The following MRTFA variants were observed in gnomAD, a reference collection of about 807,000 sequenced individuals.
The protein encoded by MRTFA is myocardin-related transcription factor A.
In MRTFA, 20 loss-of-function variants were observed where a neutral mutation model predicts 83.5. That is an observed-to-expected ratio of 0.24 (90% CI 0.17 to 0.35). The LOEUF is 0.35. Ranked by LOEUF, MRTFA falls within the 10% of genes least tolerant of loss-of-function variation. MRTFA has a pLI of 1.00. For missense variants in MRTFA, 1,200 were observed against 1,224.7 expected (o/e 0.98, Z 0.30); for synonymous variants, 659 against 541.2 (o/e 1.22, Z -3.02).
chr22:40,469,961 C>T (rs1179881350), intron 3 of MRTFA, among the ~76,000 whole-genome samples: 3 of 151,724 alleles, frequency 2.0e-5, no homozygotes, highest in Admixed American at 6.6e-5. Flanking sequence ...CAGTGGCTCA[C>T]GCCTGTAATC....
At chr22:40,488,949 G>A (rs148729804) in intron 3 of MRTFA, among the ~76,000 whole-genome samples, 3 of 152,166 alleles carry the variant, frequency 2.0e-5, no homozygotes, top group African/African-American at 7.2e-5. Flanking sequence ...ACTGATTGAT[G>A]TTAGATCTTT....
chr22:40,483,251 G>T (rs2054120204), intron 3 of MRTFA, among the ~76,000 whole-genome samples: 1 of 151,836 alleles, frequency 6.6e-6, no homozygotes, highest in African/African-American at 2.4e-5. Context: ...TTTTTGTAGA[G>T]ATGGGGTCTC....
Position 40,413,137 on chromosome 22 carries a change from C to CAAAAAA in MRTFA, c.2579-1236_2579-1231dup, listed in dbSNP as rs35119560. 2.6e-3 allele frequency among the ~76,000 whole-genome samples: 72 copies of CAAAAAA among 28,144 alleles called. 2 individuals carry two copies. Among genetic ancestry groups the CAAAAAA allele is most frequent in the African/African-American group, 4.0e-3 (22 of 5,434 alleles). 18.5% of individuals were successfully genotyped at this position (28,144 alleles called of 152,430 possible). A position where few individuals can be genotyped will look rare whatever the true frequency, so the allele number is the denominator to read the frequency against. ...TGGGAAACAGAGTGACACCCTGTCT[C>CAAAAAA]AAAAAAAAAAAAAAAAAAAAAAAAA... On this transcript the variant is annotated intron_variant, in intron 14 of 14. Coordinates refer to ENST00000355630, the MANE Select transcript of MRTFA (RefSeq NM_020831.6).
chr22:40,617,174 G>T (rs2056460139), intron 1 of MRTFA, among the ~76,000 whole-genome samples: 1 of 109,252 alleles, frequency 9.2e-6, no homozygotes, highest in Admixed American at 9.7e-5. Flanking sequence ...GGGAAGGAGG[G>T]AAGGAGGGAA....
chr22:40,593,636 C>T (rs964117824), intron 2 of MRTFA, among the ~76,000 whole-genome samples: 8 of 152,160 alleles, frequency 5.3e-5, no homozygotes, highest in Admixed American at 2.6e-4. Context: ...TAGACAGCAG[C>T]GTCAATTCCA....
intron 7 of MRTFA, among the ~76,000 whole-genome samples, chr22:40,429,180 G>A (rs527555246): frequency 4.6e-5 from 7 of 152,312 alleles, no homozygotes; most frequent in Admixed American, 1.3e-4. Context: ...GGGTCCATCA[G>A]TATTTGTTAA....
At chr22:40,600,490 C>CT (rs2056246225) in intron 1 of MRTFA, among the ~76,000 whole-genome samples, 3 of 152,188 alleles carry the variant, frequency 2.0e-5, no homozygotes, top group African/African-American at 7.2e-5. Flanking sequence ...AATCTCAGCA[C>CT]TTTGAGAGGC....
intron 2 of MRTFA, among the ~76,000 whole-genome samples, chr22:40,570,304 G>A (rs565221630): frequency 3.9e-5 from 6 of 152,086 alleles, no homozygotes; most frequent in East Asian, 3.9e-4. Context: ...GGCCAGGCAC[G>A]GTGGCTCATG....
At chr22:40,550,626 C>T (rs1444426354) in intron 3 of MRTFA, among the ~76,000 whole-genome samples, 2 of 152,084 alleles carry the variant, frequency 1.3e-5, no homozygotes. Flanking sequence ...CTGAAGAACA[C>T]ATAATTTTCT....
At chr22:40,414,354 G>A (rs578115720) in intron 14 of MRTFA, among the ~76,000 whole-genome samples, 1 of 152,128 alleles carries the variant, frequency 6.6e-6, no homozygotes, top group African/African-American at 2.4e-5. Context: ...AAAAAAAGAA[G>A]AAATTACCAT....
chr22:40,506,932 C>A, intron 3 of MRTFA, among the ~76,000 whole-genome samples: 1 of 152,158 alleles, frequency 6.6e-6, no homozygotes, highest in East Asian at 1.9e-4. Flanking sequence ...TATTTTAATT[C>A]TTCAATGACC....
chr22:40,476,850 A>G (rs996658580), intron 3 of MRTFA, among the ~76,000 whole-genome samples: 1 of 152,088 alleles, frequency 6.6e-6, no homozygotes, highest in African/African-American at 2.4e-5. Flanking sequence ...TGCCAAAAAC[A>G]TCTCTCTGGC....
chr22:40,416,960 G>T lies in MRTFA; in HGVS notation c.2578+26C>A. 1.3e-6 allele frequency: 2 copies of T among 1,581,752 alleles called. No homozygotes were observed. The highest frequency in any genetic ancestry group is 4.6e-5 in the East Asian group (2 of 43,902). ...ACCTATGAACAGAGAAGGCCGTCAG[G>T]GAGGCAGCAGGGGACCTGGGGTTAC... On this transcript the variant is annotated intron_variant, in intron 14 of 14. Transcript: ENST00000355630. This position sits in a 1 kb window ranked among gnomAD's most constrained non-coding sequence, Gnocchi z 4.2.
intron 14 of MRTFA, chr22:40,413,027 C>T (rs2052592679): frequency 1.3e-5 from 2 of 148,832 alleles, no homozygotes; most frequent in African/African-American, 5.1e-5. Flanking sequence ...ATCCCAGCTA[C>T]TCAGGAGGCT....
At chr22:40,526,456 G>A (rs2054974850) in intron 3 of MRTFA, 1 of 152,214 alleles carries the variant, frequency 6.6e-6, no homozygotes, top group Admixed American at 6.5e-5. Flanking sequence ...GAGCTAAGGT[G>A]CTCAGGGACA....
chr22:40,411,474 G>A lies in MRTFA; in HGVS notation c.3012C>T (p.Pro1004=), dbSNP rs367756208. The stretch of plus-strand genomic sequence containing the variant: ...AGAGGCTGGGGGCTGTGGTGCTGAG[G>A]GGGGCTAGGCTCAGCACGGGACCAC... Residue 1004 remains proline (P), a synonymous_variant, in exon 15 of 15, where the codon CCC becomes CCT. Coordinates refer to ENST00000355630, the MANE Select transcript of MRTFA (RefSeq NM_020831.6). 1.2e-6 allele frequency: 2 copies of A among 1,605,900 alleles called. No individual in the cohort carries two copies. The highest frequency in any genetic ancestry group is 4.5e-5 in the East Asian group (2 of 44,608).
At chr22:40,419,446 G>A in intron 11 of MRTFA, 62 bp from the exon 12 acceptor site, 1 of 1,480,418 alleles carries the variant, frequency 6.8e-7, no homozygotes, top group South Asian at 1.1e-5. Context: ...CTGGGTCCAG[G>A]CAGAAGGGCA....
chr22:40,485,910 T>C (rs976019884), intron 3 of MRTFA, among the ~76,000 whole-genome samples: 1 of 152,196 alleles, frequency 6.6e-6, no homozygotes, highest in Non-Finnish European at 1.5e-5. Context: ...AAGGACCAAA[T>C]GCTACATGAA....
chr22:40,443,311 C>A (rs1164597241), intron 4 of MRTFA, among the ~76,000 whole-genome samples: 1 of 152,082 alleles, frequency 6.6e-6, no homozygotes, highest in African/African-American at 2.4e-5. Flanking sequence ...GAGGCTTCTG[C>A]TTCAGATGGG....
Sources: allele counts gnomAD v4.1 joint callset (sites outside exome capture counted in the v4.1 genomes callset), GRCh38; gene constraint gnomAD v4.1.1; non-coding constraint Gnocchi (gnomAD v3.1); transcripts MANE v1.5; gene names NCBI Gene and HGNC (gene_info 2026-07-23, HGNC 2026-07-21).